The following KIF6 variants were observed in gnomAD, a reference collection of about 807,000 sequenced individuals.
The protein encoded by KIF6 is kinesin-like protein KIF6.
KIF6 carries 106 observed loss-of-function variants against 112.7 expected under a neutral mutation model. The ratio of observed to expected loss-of-function variants is 0.94; its 90% CI spans 0.80 to 1.11. The LOEUF (loss-of-function observed/expected upper bound fraction) is 1.11, where lower values mean the gene tolerates loss of function less well. Ranked by LOEUF, KIF6 falls within the 50% of genes least tolerant of loss-of-function variation. The pLI is 0.00. For synonymous variants in KIF6, 339 were observed against 339.9 expected, an observed-to-expected ratio of 1.00 and a Z score of 0.03; for missense variants, 929 against 964.0, an observed-to-expected ratio of 0.96 and a Z score of 0.48.
At chr6:39,338,557 G>A (rs1426048311) in intron 22 of KIF6, among the ~76,000 whole-genome samples, 1 of 152,218 alleles carries the variant, frequency 6.6e-6, no homozygotes, top group African/African-American at 2.4e-5. Context: ...TGATGGTCAT[G>A]TGTTCCTGTC....
intron 2 of KIF6, among the ~76,000 whole-genome samples, chr6:39,716,299 G>C (rs303700): frequency 0.86 from 130,555 of 152,028 alleles, 56,483 homozygotes; most frequent in East Asian, 0.97. Flanking sequence ...ATCTATAAAG[G>C]ATATTGAATT....
intron 9 of KIF6, among the ~76,000 whole-genome samples, chr6:39,584,144 C>T (rs369874949): frequency 9.4e-4 from 142 of 151,694 alleles, no homozygotes; most frequent in African/African-American, 3.2e-3. Flanking sequence ...ATTATTGGCC[C>T]GGCGCGGTGG....
chr6:39,549,834 A>G lies in KIF6; in HGVS notation c.1182-4146T>C, dbSNP rs115730766. 4.9e-3 allele frequency among the ~76,000 whole-genome samples: 749 copies of G among 152,338 alleles called. 5 individuals are homozygous for G. Among genetic ancestry groups the G allele is most frequent in the African/African-American group, 0.017 (697 of 41,582 alleles). ...AATTTAAGTGACGGCAAAGTGTTGT[A>G]CTTATTGACATTAAAAACACTCATA... is the stretch of plus-strand genomic sequence containing the variant. On this transcript the variant is annotated intron_variant, in intron 10 of 22. Transcript: ENST00000287152.
At chr6:39,696,893 A>G (rs1157618336) in intron 3 of KIF6, among the ~76,000 whole-genome samples, 1 of 151,962 alleles carries the variant, frequency 6.6e-6, no homozygotes, top group Admixed American at 6.6e-5. Context: ...CTCAAAATGT[A>G]TAGGTATCTG....
intron 19 of KIF6, among the ~76,000 whole-genome samples, chr6:39,351,622 C>G (rs1027514540): frequency 6.6e-6 from 1 of 152,136 alleles, no homozygotes; most frequent in Admixed American, 6.5e-5. Flanking sequence ...CTCTCTCTCT[C>G]TCACACACAC....
chr6:39,458,246 T>C (rs1773268178), intron 13 of KIF6, among the ~76,000 whole-genome samples: 1 of 150,550 alleles, frequency 6.6e-6, no homozygotes, highest in Non-Finnish European at 1.5e-5. Flanking sequence ...TAATCCAGCA[T>C]ATAAACAGAG....
At chr6:39,473,163 G>A (rs1774229623) in intron 13 of KIF6, among the ~76,000 whole-genome samples, 1 of 152,014 alleles carries the variant, frequency 6.6e-6, no homozygotes, top group Non-Finnish European at 1.5e-5. Context: ...TGGGATTACA[G>A]GCGTGAGCCA....
chr6:39,469,562 G>A (rs939940180), intron 13 of KIF6, among the ~76,000 whole-genome samples: 2 of 152,138 alleles, frequency 1.3e-5, no homozygotes, highest in Admixed American at 1.3e-4. Flanking sequence ...TAGAGATGGA[G>A]AGGAACTTTT....
intron 10 of KIF6, among the ~76,000 whole-genome samples, chr6:39,555,494 G>C (rs1437921839): frequency 6.6e-6 from 1 of 152,132 alleles, no homozygotes; most frequent in African/African-American, 2.4e-5. Flanking sequence ...TAGGAGTAGG[G>C]GTGGGGGAGG....
intron 6 of KIF6, among the ~76,000 whole-genome samples, chr6:39,603,363 C>T (rs1447675978): frequency 5.3e-5 from 8 of 152,040 alleles, no homozygotes; most frequent in Admixed American, 3.9e-4. Flanking sequence ...TGCTAAGGCC[C>T]CTTCTACTGC....
chr6:39,496,310 T>C (rs1290473724), intron 13 of KIF6, among the ~76,000 whole-genome samples: 1 of 152,220 alleles, frequency 6.6e-6, no homozygotes, highest in Non-Finnish European at 1.5e-5. Context: ...CAATCTAGAC[T>C]GAGTTTCGAA....
At chr6:39,404,662 C>T (rs1382724695) in intron 15 of KIF6, among the ~76,000 whole-genome samples, 2 of 152,156 alleles carry the variant, frequency 1.3e-5, no homozygotes, top group Non-Finnish European at 1.5e-5. Context: ...ATTCTATGGT[C>T]TTTCCATACA....
intron 16 of KIF6, among the ~76,000 whole-genome samples, chr6:39,373,984 C>A (rs1766236219): frequency 6.6e-6 from 1 of 152,124 alleles, no homozygotes; most frequent in Non-Finnish European, 1.5e-5. Context: ...AAATTTACTA[C>A]AAAGCTATAG....
intron 16 of KIF6, among the ~76,000 whole-genome samples, chr6:39,368,095 C>T (rs541693736): frequency 1.8e-4 from 28 of 152,258 alleles, no homozygotes; most frequent in African/African-American, 5.5e-4. Context: ...GGAGCCAGCA[C>T]GTCCCCTACA....
intron 13 of KIF6, 178 bp from the exon 14 acceptor site, chr6:39,431,339 C>T (rs966188848): frequency 2.4e-5 from 14 of 571,952 alleles, no homozygotes; most frequent in African/African-American, 1.7e-4. Flanking sequence ...CTGAGGAGGC[C>T]CTTCCAGTGC....
In KIF6 at chr6:39,639,723, A is replaced by G; in HGVS notation, c.286T>C (p.Tyr96His). The G allele has an allele frequency of 1.2e-6, 2 of 1,612,368 alleles. No homozygotes were observed. Among genetic ancestry groups the G allele is most frequent in the East Asian group, 2.2e-5 (1 of 44,784 alleles). The change falls in exon 4 of 23, where the codon TAT becomes CAT. Residue 96 changes from tyrosine (Y) to histidine (H), a missense_variant. Transcript: ENST00000287152. ...GTCTTCCCGCTGCCTGTTTGCCCAT[A>G]TGCAAAGATGGTACCATTGTAACCT... Reference protein sequence around the residue: ...LAGYNGTIFAYGQTGSGKTFT... With the variant: ...LAGYNGTIFAHGQTGSGKTFT...
chr6:39,557,841 T>G (rs992901733), intron 10 of KIF6, among the ~76,000 whole-genome samples: 13 of 151,658 alleles, frequency 8.6e-5, no homozygotes, highest in African/African-American at 3.1e-4. Flanking sequence ...AGTCCATTTT[T>G]ATTAAAATAT....
chr6:39,714,325 C>T (rs1234039220), intron 3 of KIF6, among the ~76,000 whole-genome samples: 2 of 152,122 alleles, frequency 1.3e-5, no homozygotes, highest in Non-Finnish European at 2.9e-5. Flanking sequence ...GTTTGAAGTA[C>T]CGTACTGAGG....
intron 3 of KIF6, among the ~76,000 whole-genome samples, chr6:39,701,466 C>A (rs559048013): frequency 6.6e-6 from 1 of 152,244 alleles, no homozygotes. Context: ...AGCCTGCCTG[C>A]GCACAAACTG....
Sources: allele counts gnomAD v4.1 joint callset (sites outside exome capture counted in the v4.1 genomes callset), GRCh38; gene constraint gnomAD v4.1.1; transcripts MANE v1.5; gene names NCBI Gene and HGNC (gene_info 2026-07-23, HGNC 2026-07-21).